GGH: variants seen among roughly 807,000 people sequenced by gnomAD.
GGH encodes the protein gamma-Glu-X carboxypeptidase.
In GGH, 18 loss-of-function variants were observed where a neutral mutation model predicts 39.2. The ratio of observed to expected loss-of-function variants is 0.46; its 90% CI spans 0.32 to 0.68. GGH has a LOEUF of 0.68. Among genes scored for constraint, GGH ranks in the 30% least tolerant of loss-of-function variants. GGH has a pLI of 0.04. For missense variants in GGH, 367 were observed against 384.1 expected, an observed-to-expected ratio of 0.96 and a Z score of 0.37; for synonymous variants, 147 against 138.8, an observed-to-expected ratio of 1.06 and a Z score of -0.42.
At chr8:63,023,600 G>C (rs890322774) in intron 7 of GGH, 5 of 183,814 alleles carry the variant, frequency 2.7e-5, no homozygotes, top group Non-Finnish European at 5.6e-5. Context: ...TTGTTGGCTG[G>C]AGGAAAGTCT....
intron 2 of GGH, among the ~76,000 whole-genome samples, chr8:63,034,351 C>T (rs73270503): frequency 7.3e-4 from 111 of 152,030 alleles, no homozygotes; most frequent in African/African-American, 2.6e-3. Context: ...AACCTAAAGC[C>T]ATTTTGTGGT....
At chr8:63,029,289 C>T (rs749546106) in intron 3 of GGH, among the ~76,000 whole-genome samples, 4 of 152,144 alleles carry the variant, frequency 2.6e-5, no homozygotes, top group Non-Finnish European at 5.9e-5. Flanking sequence ...CACACCATCA[C>T]GTGCCTTGCC....
In GGH at chr8:63,023,951, G is replaced by C. The variant is rs1407423760; in HGVS notation, c.653C>G (p.Thr218Ser). Reference protein sequence around the residue: ...EKLKKFFNVLTTNTDGKIEFI... With the variant: ...EKLKKFFNVLSTNTDGKIEFI... ...CTCAATCTTGCCATCTGTATTTGTA[G>C]TTAAGACATTGAAAAACTTCTTTAA... The change falls in exon 7 of 9, where the codon ACT (threonine) becomes AGT (serine). Residue 218 changes from threonine (T) to serine (S), a missense_variant. Coordinates refer to ENST00000260118, the MANE Select transcript of GGH (RefSeq NM_003878.3). The C allele has an allele frequency of 1.9e-6, 3 of 1,595,720 alleles. No homozygotes were observed. In the Admixed American group the frequency reaches 5.1e-5, roughly 27 times the overall value.
rs898903713 is a variant in GGH, at chr8:63,035,295, T to G, written c.224+361A>C. 2.0e-5 allele frequency among the ~76,000 whole-genome samples: 3 copies of G among 152,270 alleles called. No homozygotes were observed. In the East Asian group the frequency reaches 5.8e-4, roughly 29 times the overall value. On this transcript the variant is annotated intron_variant, in intron 2 of 8. Transcript: ENST00000260118. The stretch of plus-strand genomic sequence containing the variant: ...ATCATAAGAGAGAAAGCACGAATTT[T>G]AGAGATATTAGGCAGTAATTATTAT...
At chr8:63,035,559 C>T in intron 2 of GGH, 97 bp downstream of exon 2, 6 of 1,480,866 alleles carry the variant, frequency 4.1e-6, no homozygotes, top group Non-Finnish European at 5.4e-6. Context: ...CCCGCCTTGG[C>T]CTCCCAAAGT....
At chr8:63,034,685 T>C (rs575397010) in intron 2 of GGH, among the ~76,000 whole-genome samples, 1 of 152,290 alleles carries the variant, frequency 6.6e-6, no homozygotes, top group South Asian at 2.1e-4. Context: ...ATCACAAAAA[T>C]AATGCAGTGC....
Position 63,026,951 on chromosome 8 carries a change from T to C in GGH, c.360+230A>G, listed in dbSNP as rs186766346. On this transcript the variant is annotated intron_variant, in intron 4 of 8. Coordinates refer to ENST00000260118, the MANE Select transcript of GGH (RefSeq NM_003878.3). ...AGGACACGGTTCACATTAACAAGCA[T>C]CAAGAGAGGGGCAGTCAGCAGTGCT... 683 of 517,560 alleles carry C rather than the reference T, an allele frequency of 1.3e-3. 6 individuals carry two copies. Among genetic ancestry groups the C allele is most frequent in the Non-Finnish European group, 1.6e-4 (46 of 296,056 alleles). The allele number at this position is 517,560 out of a possible 1,614,324, so 32.1% of individuals were successfully genotyped here.
At chr8:63,019,837 AT>A (rs1010425258) in intron 7 of GGH, among the ~76,000 whole-genome samples, 3 of 152,134 alleles carry the variant, frequency 2.0e-5, no homozygotes, top group African/African-American at 7.2e-5. Context: ...TATGGTCCTG[AT>A]TTGGCTCCTT....
chr8:63,022,301 GAA>G (rs1436816904), intron 7 of GGH, among the ~76,000 whole-genome samples: 5 of 151,116 alleles, frequency 3.3e-5, no homozygotes, highest in Non-Finnish European at 5.9e-5. Flanking sequence ...TTTTAATATG[GAA>G]AAAAGAGTCT....
At chr8:63,032,577 T>C (rs547595996) in intron 2 of GGH, among the ~76,000 whole-genome samples, 2 of 152,262 alleles carry the variant, frequency 1.3e-5, no homozygotes, top group South Asian at 4.1e-4. Flanking sequence ...AGGTCTCCCA[T>C]CTCTTCCTTT....
intron 7 of GGH, among the ~76,000 whole-genome samples, chr8:63,022,241 A>G (rs945316659): frequency 6.6e-6 from 1 of 151,914 alleles, no homozygotes; most frequent in African/African-American, 2.4e-5. Flanking sequence ...CTAAAACCTT[A>G]TTGTAGTGTG....
chr8:63,029,141 A>C (rs1804754945), intron 3 of GGH, among the ~76,000 whole-genome samples: 1 of 152,214 alleles, frequency 6.6e-6, no homozygotes, highest in Admixed American at 6.5e-5. Context: ...TTTTAAAAAA[A>C]CATTTTACAG....
intron 2 of GGH, among the ~76,000 whole-genome samples, chr8:63,034,023 A>T (rs1462614973): frequency 6.9e-6 from 1 of 145,612 alleles, no homozygotes; most frequent in Non-Finnish European, 1.5e-5. Flanking sequence ...ATATATATAT[A>T]ATATATATAA....
rs1292291793 is a variant in GGH at position 63,038,758 on chromosome 8, G to T, written c.11C>A (p.Pro4Gln). 1 of 1,559,604 alleles carries T rather than the reference G, an allele frequency of 6.4e-7. No homozygotes were observed. The change falls in exon 1 of 9, where the codon CCG (proline) becomes CAG (glutamine). Residue 4 changes from proline (P) to glutamine (Q), a missense_variant. Coordinates refer to ENST00000260118, the MANE Select transcript of GGH (RefSeq NM_003878.3). ...GCCCAGCACGCACAGCAGGCAGCCC[G>T]GACTGGCCATGGCGCTCGCCGCCTC... MAS[P>Q]GCLLCVLGLL...
chr8:63,030,811 A>C (rs1250263346), intron 2 of GGH, among the ~76,000 whole-genome samples: 2 of 152,048 alleles, frequency 1.3e-5, no homozygotes, highest in African/African-American at 4.8e-5. Flanking sequence ...ATTACTCTGA[A>C]AGACCCTTGA....
chr8:63,016,707 T>C (rs190233105), intron 8 of GGH, among the ~76,000 whole-genome samples: 1 of 152,312 alleles, frequency 6.6e-6, no homozygotes, highest in East Asian at 1.9e-4. Flanking sequence ...TACACACAGT[T>C]CTGCTTAAAT....
chr8:63,026,049 G>C (rs1233812260), intron 5 of GGH, 109 bp downstream of exon 5: 1 of 874,300 alleles, frequency 1.1e-6, no homozygotes, highest in Non-Finnish European at 1.7e-6. Flanking sequence ...TTTTCCTTCA[G>C]GGAAAAGGCT....
At chr8:63,037,734 T>C (rs1004095099) in intron 1 of GGH, among the ~76,000 whole-genome samples, 1 of 152,164 alleles carries the variant, frequency 6.6e-6, no homozygotes, top group African/African-American at 2.4e-5. Flanking sequence ...ACACACAATA[T>C]GCAACCTGTT....
intron 2 of GGH, among the ~76,000 whole-genome samples, chr8:63,033,560 T>C (rs1225714430): frequency 6.6e-6 from 1 of 152,196 alleles, no homozygotes; most frequent in Admixed American, 6.5e-5. Context: ...ATGAACCTTT[T>C]TATTTCTGTA....
Sources: gnomAD v4.1 joint callset for allele counts (sites outside exome capture counted in the v4.1 genomes callset) on GRCh38, gnomAD v4.1.1 for gene constraint, MANE v1.5 for transcripts, NCBI Gene and HGNC (gene_info 2026-07-23, HGNC 2026-07-21) for gene names.